Variants in SAMMSON observed in about 807,000 individuals in gnomAD.
The protein encoded by SAMMSON is long intergenic non-protein coding RNA 1212.
At chr3:70,207,155 A>G (rs1701299207) in intron 4 of SAMMSON, among the ~76,000 whole-genome samples, 1 of 151,902 alleles carries the variant, frequency 6.6e-6, no homozygotes, top group South Asian at 2.1e-4. Flanking sequence ...GAGGAAAAGG[A>G]TAAGGATCTT....
At chr3:70,234,137 G>A (rs1246326928) in intron 4 of SAMMSON, among the ~76,000 whole-genome samples, 1 of 152,332 alleles carries the variant, frequency 6.6e-6, no homozygotes, top group East Asian at 1.9e-4. Flanking sequence ...AAATATCTGA[G>A]TGGGATGTGG....
chr3:70,133,205 G>T (rs1401148046), intron 4 of SAMMSON, among the ~76,000 whole-genome samples: 1 of 152,082 alleles, frequency 6.6e-6, no homozygotes, highest in African/African-American at 2.4e-5. Flanking sequence ...CATGTGATTA[G>T]AGAGTTGTAA....
intron 3 of SAMMSON, among the ~76,000 whole-genome samples, chr3:70,055,986 T>C (rs2067165288): frequency 6.6e-6 from 1 of 152,094 alleles, no homozygotes; most frequent in Non-Finnish European, 1.5e-5. Flanking sequence ...CCAAAAGTGT[T>C]GTCTCACTCT....
downstream of SAMMSON, among the ~76,000 whole-genome samples, chr3:70,391,461 A>G (rs1285396659): frequency 6.7e-6 from 1 of 149,768 alleles, no homozygotes; most frequent in African/African-American, 2.5e-5. Flanking sequence ...TGTTTTAGCC[A>G]GGTGCCAGTA....
intron 4 of SAMMSON, among the ~76,000 whole-genome samples, chr3:70,181,109 T>C (rs1457712897): frequency 6.6e-6 from 1 of 152,096 alleles, no homozygotes; most frequent in Non-Finnish European, 1.5e-5. Context: ...AAGGAAGTGA[T>C]AAGTTTCAGT....
chr3:70,345,482 C>G (rs146007315), intron 7 of SAMMSON, among the ~76,000 whole-genome samples: 3 of 152,298 alleles, frequency 2.0e-5, no homozygotes, highest in Non-Finnish European at 4.4e-5. Flanking sequence ...ATTTGATTCT[C>G]TAACCTCCTA....
At chr3:70,194,393 C>T (rs1701155595) in intron 4 of SAMMSON, among the ~76,000 whole-genome samples, 1 of 152,150 alleles carries the variant, frequency 6.6e-6, no homozygotes, top group South Asian at 2.1e-4. Flanking sequence ...AACCACATCC[C>T]TTTTTGATCT....
chr3:70,377,727 A>G (rs192384216), intron 9 of SAMMSON, among the ~76,000 whole-genome samples: 3 of 152,224 alleles, frequency 2.0e-5, no homozygotes, highest in Admixed American at 6.5e-5. Flanking sequence ...TACAACACAT[A>G]TGGCAGAAAA....
intron 7 of SAMMSON, among the ~76,000 whole-genome samples, chr3:70,326,630 G>T (rs959432703): frequency 6.6e-6 from 1 of 152,060 alleles, no homozygotes; most frequent in African/African-American, 2.4e-5. Flanking sequence ...AGAATATTAC[G>T]AGAGTTTTTA....
chr3:70,311,743 G>GA (rs200014435), intron 7 of SAMMSON: 442 of 367,360 alleles, frequency 1.2e-3, no homozygotes, highest in Non-Finnish European at 1.4e-3. Flanking sequence ...ATAAGAATTT[G>GA]AAAAAAAAAG....
chr3:70,216,417 A>G (rs1701412912), intron 4 of SAMMSON, among the ~76,000 whole-genome samples: 1 of 151,896 alleles, frequency 6.6e-6, no homozygotes, highest in Non-Finnish European at 1.5e-5. Context: ...CAGCAACCCT[A>G]TGTGGTAGGT....
intron 3 of SAMMSON, among the ~76,000 whole-genome samples, chr3:70,031,469 T>G (rs2067065948): frequency 6.6e-6 from 1 of 152,162 alleles, no homozygotes; most frequent in South Asian, 2.1e-4. Context: ...GAGCGATGGT[T>G]GCACAGCATT....
intron 7 of SAMMSON, among the ~76,000 whole-genome samples, chr3:70,333,334 C>T (rs978328708): frequency 5.3e-5 from 8 of 151,418 alleles, no homozygotes; most frequent in South Asian, 4.2e-4. Context: ...TCCCTTTAAA[C>T]GTTAAATTAA....
At chr3:70,389,017 G>A (rs998870510) in intron 9 of SAMMSON, among the ~76,000 whole-genome samples, 1 of 152,006 alleles carries the variant, frequency 6.6e-6, no homozygotes, top group African/African-American at 2.4e-5. Flanking sequence ...GAGAGAGCAG[G>A]TTGTTAAAAA....
intron 9 of SAMMSON, among the ~76,000 whole-genome samples, chr3:70,385,678 A>C (rs959793844): frequency 6.6e-5 from 10 of 152,032 alleles, no homozygotes; most frequent in African/African-American, 2.4e-4. Context: ...GGCATGACCT[A>C]CTTGATGATG....
intron 4 of SAMMSON, among the ~76,000 whole-genome samples, chr3:70,080,962 T>C (rs2067265824): frequency 6.6e-6 from 1 of 152,196 alleles, no homozygotes; most frequent in African/African-American, 2.4e-5. Context: ...GGGTATTTTG[T>C]AATGCCTACA....
chr3:70,198,965 A>G (rs529029354), intron 4 of SAMMSON, among the ~76,000 whole-genome samples: 4 of 152,284 alleles, frequency 2.6e-5, no homozygotes, highest in Non-Finnish European at 2.9e-5. Context: ...GGGACATACA[A>G]CCTCATCGAG....
intron 9 of SAMMSON, among the ~76,000 whole-genome samples, chr3:70,386,781 G>T (rs1703126195): frequency 1.3e-5 from 2 of 152,032 alleles, no homozygotes; most frequent in South Asian, 4.1e-4. Context: ...AGATAATATA[G>T]GGTAAAGGAA....
At chr3:70,133,706 A>G (rs1255161225) in intron 4 of SAMMSON, among the ~76,000 whole-genome samples, 1 of 152,166 alleles carries the variant, frequency 6.6e-6, no homozygotes, top group Non-Finnish European at 1.5e-5. Flanking sequence ...GTTGTAGGGC[A>G]CAGTTGAGTT....
Sources: gnomAD v4.1 joint callset for allele counts (sites outside exome capture counted in the v4.1 genomes callset) on GRCh38, gnomAD v4.1.1 for gene constraint, MANE v1.5 for transcripts, NCBI Gene and HGNC (gene_info 2026-07-23, HGNC 2026-07-21) for gene names.